Variants in MYLK observed in about 807,000 individuals in gnomAD.
MYLK encodes myosin light chain kinase, also known as myosin light chain kinase, smooth muscle.
A neutral mutation model predicts 203.4 loss-of-function variants in MYLK; 106 were observed. The ratio of observed to expected loss-of-function variants is 0.52; its 90% CI spans 0.45 to 0.61. MYLK has a LOEUF of 0.61. MYLK is among the 20% of genes least tolerant of loss of function. The pLI, the probability that MYLK is intolerant of heterozygous loss-of-function variation, is 0.00. For synonymous variants in MYLK, 867 were observed against 959.5 expected, an observed-to-expected ratio of 0.90 and a Z score of 1.78; for missense variants, 2,072 against 2,442.3, an observed-to-expected ratio of 0.85 and a Z score of 3.20.
Position 123,640,584 on chromosome 3 carries a change from TGGGGGTA to T in MYLK, c.4620-87_4620-81del, listed in dbSNP as rs2058798648. On this transcript the variant is annotated intron_variant, in intron 27 of 33. Transcript: ENST00000360304. The surrounding 1 kb of genome is among the most constrained non-coding windows in gnomAD (Gnocchi z 4.3). ...GGCAGGGAGTCTGGCCAGGGTAGGC[TGGGGGTA>T]GGAGAAATTGGCAGGAAAGCCCAGG... The T allele has an allele frequency of 6.7e-6, 10 of 1,489,428 alleles. No individual in the cohort carries two copies. The highest frequency in any genetic ancestry group is 8.4e-6 in the Non-Finnish European group (9 of 1,072,490). 92.3% of individuals were successfully genotyped at this position (1,489,428 alleles called of 1,614,324 possible). A position where few individuals can be genotyped will look rare whatever the true frequency, so the allele number is the denominator to read the frequency against.
At chr3:123,692,692 G>T in intron 19 of MYLK, 43 bp downstream of exon 19, 1 of 1,449,772 alleles carries the variant, frequency 6.9e-7, no homozygotes, top group African/African-American at 1.4e-5. Flanking sequence ...TGAGAAATGG[G>T]ACCCCTGTGT....
intron 5 of MYLK, among the ~76,000 whole-genome samples, chr3:123,745,822 T>C (rs2062995879): frequency 6.6e-6 from 1 of 152,146 alleles, no homozygotes; most frequent in African/African-American, 2.4e-5. Flanking sequence ...AAGAAAAACA[T>C]TTAAAATACT....
intron 4 of MYLK, among the ~76,000 whole-genome samples, chr3:123,754,497 G>A (rs1320732293): frequency 1.3e-5 from 2 of 152,190 alleles, no homozygotes; most frequent in Admixed American, 6.5e-5. Context: ...TGAGACTCTG[G>A]AGTGGATTCC....
intron 5 of MYLK, among the ~76,000 whole-genome samples, chr3:123,748,322 A>ACCAGGCCCTACCTC (rs1169974387): frequency 1.3e-5 from 2 of 152,244 alleles, no homozygotes; most frequent in African/African-American, 4.8e-5. Flanking sequence ...ATCACCTCCC[A>ACCAGGCCCTACCTC]CCAGGCCCTA....
chr3:123,874,454 A>G (rs919923572), intron 2 of MYLK, among the ~76,000 whole-genome samples: 1 of 152,170 alleles, frequency 6.6e-6, no homozygotes, highest in African/African-American at 2.4e-5. Flanking sequence ...CAGAATCTCT[A>G]TCTATACCTT....
In MYLK at chr3:123,700,587, C is replaced by T. The variant is rs752253614; in HGVS notation, c.2881G>A (p.Gly961Arg). 1.2e-6 allele frequency: 2 copies of T among 1,613,732 alleles called. No homozygotes were observed. Among genetic ancestry groups the T allele is most frequent in the South Asian group, 2.2e-5 (2 of 91,084 alleles). ...TCAGGCACGGGGGTCTTGGAAGTCC[C>T]CTTCTTGGCCAGGACAGAGCGAAAA... is the stretch of plus-strand genomic sequence containing the variant. Reference protein sequence around the residue: ...VDFRSVLAKKGTSKTPVPEKV... With the variant: ...VDFRSVLAKKRTSKTPVPEKV... Residue 961 changes from glycine (G) to arginine (R), a missense_variant, in exon 18 of 34, where the codon GGG (glycine) becomes AGG (arginine). Coordinates refer to ENST00000360304, the MANE Select transcript of MYLK (RefSeq NM_053025.4).
chr3:123,620,198 C>T lies in MYLK; in HGVS notation c.5368+9G>A. ...TTCTCACCAGCTGGCTGGAGAAACT[C>T]CTCCTTACCTTCAGATTCTAGTTTT... On this transcript the variant is annotated intron_variant, in intron 32 of 33. Coordinates refer to ENST00000360304, the MANE Select transcript of MYLK (RefSeq NM_053025.4). 1.2e-6 allele frequency: 2 copies of T among 1,613,038 alleles called. No homozygotes were observed. Among genetic ancestry groups the T allele is most frequent in the Non-Finnish European group, 8.5e-7 (1 of 1,179,188 alleles).
chr3:123,774,852 A>T (rs765230557), intron 4 of MYLK, among the ~76,000 whole-genome samples: 1 of 152,146 alleles, frequency 6.6e-6, no homozygotes, highest in Non-Finnish European at 1.5e-5. Flanking sequence ...ACCATAGAGC[A>T]TAGGGTCTTG....
At chr3:123,843,392 G>C (rs987341239) in intron 2 of MYLK, among the ~76,000 whole-genome samples, 2 of 152,152 alleles carry the variant, frequency 1.3e-5, no homozygotes, top group Admixed American at 6.5e-5. Flanking sequence ...TCCTCTATGA[G>C]ATAAGAATGA....
In MYLK at chr3:123,716,953, GA is replaced by G. The variant is rs2061917790; in HGVS notation, c.1804+5174del. On this transcript the variant is annotated intron_variant, in intron 13 of 33. Coordinates refer to ENST00000360304, the MANE Select transcript of MYLK (RefSeq NM_053025.4). ...ATTCTGTACTCAACCTACATAAAATGAAAATATTGGTTATAAATTTTAACAT... is the reference window on the plus strand; with the variant it reads ...ATTCTGTACTCAACCTACATAAAATGAAATATTGGTTATAAATTTTAACAT... Among the ~76,000 whole-genome samples, 3 of 152,280 alleles carry G rather than the reference GA, an allele frequency of 2.0e-5. No individual in the cohort carries two copies. In the South Asian group the frequency reaches 6.2e-4, roughly 32 times the overall value.
Position 123,640,434 on chromosome 3 carries a change from T to C in MYLK, c.4690A>G (p.Lys1564Glu). 6.2e-7 allele frequency: 1 copy of C among 1,613,786 alleles called. No homozygotes were observed. The highest frequency in any genetic ancestry group is 8.5e-7 in the Non-Finnish European group (1 of 1,179,978). Reference sequence around the variant, plus strand: ...CCCTCCGAGATCTGCCGCATGTACTTGATGCACTCACGCTCCGTCAGCTCA... The same window carrying C: ...CCCTCCGAGATCTGCCGCATGTACTCGATGCACTCACGCTCCGTCAGCTCA... ...DFELTERECIKYMRQISEGVE... is the reference protein window; with the variant it reads ...DFELTERECIEYMRQISEGVE... Residue 1564 changes from lysine to glutamate, a missense_variant, in exon 28 of 34, where the codon AAG becomes GAG. Physicochemically the swap from Lys to Glu is moderately conservative, Grantham distance 56. Around this residue, in one of 3 missense-constraint regions of MYLK, gnomAD observed 524 missense variants for 782.4 expected, o/e 0.67. Coordinates refer to ENST00000360304, the MANE Select transcript of MYLK (RefSeq NM_053025.4). This position sits in a 1 kb window ranked among gnomAD's most constrained non-coding sequence, Gnocchi z 4.3.
intron 3 of MYLK, among the ~76,000 whole-genome samples, chr3:123,823,073 C>T (rs887693728): frequency 6.6e-6 from 1 of 152,174 alleles, no homozygotes; most frequent in South Asian, 2.1e-4. Flanking sequence ...TTAAACACCT[C>T]GTGGCTGCAC....
chr3:123,687,245 T>C (rs972927293), intron 19 of MYLK, among the ~76,000 whole-genome samples: 1 of 151,646 alleles, frequency 6.6e-6, no homozygotes, highest in African/African-American at 2.4e-5. Context: ...TAAATAAATG[T>C]GGGGGTGGGA....
At chr3:123,733,648 A>G (rs766256224) in intron 10 of MYLK, 39 bp downstream of exon 10, 26 of 1,611,356 alleles carry the variant, frequency 1.6e-5, no homozygotes, top group Non-Finnish European at 1.9e-5. Flanking sequence ...CCAAGGGGCT[A>G]CATTTTGGCA....
rs750286831 is a variant in MYLK at position 123,666,245 on chromosome 3, A to G, written c.3805T>C (p.Cys1269Arg). The stretch of plus-strand genomic sequence containing the variant: ...TGCTTTCGGAACTTCATCCAGGTAC[A>G]GGTGATGGGCTGAGTGCCTGTCACT... ...GKVTGTQPITCTWMKFRKQIQ... is the reference protein window; with the variant it reads ...GKVTGTQPITRTWMKFRKQIQ... Residue 1269 changes from cysteine (C) to arginine (R), a missense_variant, in exon 22 of 34, where the codon TGT becomes CGT. Transcript: ENST00000360304. 1 of 1,614,252 alleles carries G rather than the reference A, an allele frequency of 6.2e-7. No homozygotes were observed. The highest frequency in any genetic ancestry group is 1.6e-4 in the Middle Eastern group (1 of 6,062).
At chr3:123,677,987 G>A (rs1022176023) in intron 20 of MYLK, among the ~76,000 whole-genome samples, 2 of 148,268 alleles carry the variant, frequency 1.3e-5, no homozygotes, top group Non-Finnish European at 3.0e-5. Flanking sequence ...CAGAATGCAG[G>A]TCAGGGTTGG....
chr3:123,784,816 T>A (rs1020132215), intron 4 of MYLK, among the ~76,000 whole-genome samples: 1 of 152,204 alleles, frequency 6.6e-6, no homozygotes, highest in Non-Finnish European at 1.5e-5. Flanking sequence ...AGTAGTCCTA[T>A]CTCCCTGAAT....
chr3:123,649,681 A>C (rs903637628), intron 24 of MYLK, among the ~76,000 whole-genome samples: 5 of 152,218 alleles, frequency 3.3e-5, no homozygotes, highest in Non-Finnish European at 7.3e-5. Flanking sequence ...TTCAAAACAT[A>C]TTACACAGAA....
At chr3:123,839,028 G>A (rs2066533257) in intron 2 of MYLK, among the ~76,000 whole-genome samples, 1 of 152,130 alleles carries the variant, frequency 6.6e-6, no homozygotes, top group Non-Finnish European at 1.5e-5. Context: ...TTGGGAGGTG[G>A]AGGTGGCAGT....
Sources: gnomAD v4.1 joint callset for allele counts (sites outside exome capture counted in the v4.1 genomes callset) on GRCh38, gnomAD v4.1.1 for gene constraint, gnomAD v4.1.1 regional missense constraint, Gnocchi (gnomAD v3.1) non-coding constraint, MANE v1.5 for transcripts, NCBI Gene and HGNC (gene_info 2026-07-23, HGNC 2026-07-21) for gene names.